Variants in DIPK1A observed in about 807,000 individuals in gnomAD.
DIPK1A encodes the protein family with sequence similarity 69 member A.
In DIPK1A, 27 loss-of-function variants were observed where a neutral mutation model predicts 40.8. The ratio of observed to expected loss-of-function variants is 0.66; its 90% CI spans 0.49 to 0.91. The LOEUF (loss-of-function observed/expected upper bound fraction) is 0.91, where lower values mean the gene tolerates loss of function less well. Ranked by LOEUF, DIPK1A falls within the 40% of genes least tolerant of loss-of-function variation. DIPK1A has a pLI of 0.00. For synonymous variants in DIPK1A, 166 were observed against 171.3 expected (o/e 0.97, Z 0.24); for missense variants, 412 against 505.7 (o/e 0.81, Z 1.78).
chr1:92,932,086 G>T, intron 1 of DIPK1A: 1 of 414,122 alleles, frequency 2.4e-6, no homozygotes, highest in South Asian at 2.1e-5. Flanking sequence ...TGACTACATA[G>T]ATTAAAATAT....
chr1:92,850,493 C>A (rs1687784216), intron 3 of DIPK1A, among the ~76,000 whole-genome samples: 1 of 152,060 alleles, frequency 6.6e-6, no homozygotes, highest in African/African-American at 2.4e-5. Context: ...CCAGCCTGGG[C>A]AACATGGCGG....
intron 1 of DIPK1A, 138 bp from the exon 2 acceptor site, chr1:92,876,568 T>C: frequency 2.3e-6 from 2 of 882,026 alleles, no homozygotes; most frequent in Non-Finnish European, 3.4e-6. Flanking sequence ...TAGAACAAAG[T>C]GCACTTTCAC....
At chr1:92,907,390 A>G (rs561261488) in intron 1 of DIPK1A, among the ~76,000 whole-genome samples, 6 of 152,298 alleles carry the variant, frequency 3.9e-5, no homozygotes, top group African/African-American at 1.4e-4. Flanking sequence ...AAGGGTCACA[A>G]GAGAAATTTC....
chr1:92,955,423 G>A (rs925510353), intron 1 of DIPK1A, among the ~76,000 whole-genome samples: 6 of 151,938 alleles, frequency 3.9e-5, no homozygotes, highest in Non-Finnish European at 8.8e-5. Context: ...AGGGGGCTGG[G>A]CACGGTGGCT....
intron 2 of DIPK1A, among the ~76,000 whole-genome samples, chr1:92,858,011 C>T (rs777071306): frequency 6.6e-6 from 1 of 152,190 alleles, no homozygotes; most frequent in Non-Finnish European, 1.5e-5. Flanking sequence ...GGACTTTCAT[C>T]CTTATTTCCT....
chr1:92,856,432 T>A (rs1016237548), intron 2 of DIPK1A, among the ~76,000 whole-genome samples: 43 of 152,026 alleles, frequency 2.8e-4, no homozygotes, highest in Non-Finnish European at 5.3e-4. Context: ...TATTATTATT[T>A]TTTGAGACGG....
rs377062825 is a variant in DIPK1A, at chr1:92,845,473, C to T, written c.475-1278G>A. On this transcript the variant is annotated intron_variant, in intron 4 of 4. Transcript: ENST00000370310. ...AGCTTGAGCTCAGGAGTTCTAGACCCGCCTGGGCAACATGGTGAAACCGTG... is the reference window on the plus strand; with the variant it reads ...AGCTTGAGCTCAGGAGTTCTAGACCTGCCTGGGCAACATGGTGAAACCGTG... The T allele has an allele frequency of 3.9e-3, 1,473 of 374,378 alleles. 21 individuals carry two copies. The highest frequency in any genetic ancestry group is 0.022 in the South Asian group (1,121 of 51,268). The allele number at this position is 374,378 out of a possible 1,614,324, so 23.2% of individuals were successfully genotyped here. A position where few individuals can be genotyped will look rare whatever the true frequency, so the allele number is the denominator to read the frequency against.
chr1:92,902,154 A>G (rs1036709640), intron 1 of DIPK1A, among the ~76,000 whole-genome samples: 1 of 152,144 alleles, frequency 6.6e-6, no homozygotes, highest in Non-Finnish European at 1.5e-5. Flanking sequence ...TGGGCAGCCA[A>G]GGCATTGTTT....
intron 1 of DIPK1A, among the ~76,000 whole-genome samples, chr1:92,904,732 T>C (rs1374831789): frequency 6.6e-6 from 1 of 152,116 alleles, no homozygotes; most frequent in East Asian, 1.9e-4. Context: ...ATTACTGTTG[T>C]GCTAACAAAT....
At chr1:92,846,846 T>TATATATATATATACACACAC (rs1557449955) in intron 4 of DIPK1A, among the ~76,000 whole-genome samples, 3 of 1,282 alleles carry the variant, frequency 2.3e-3, no homozygotes, top group African/African-American at 0.012. Flanking sequence ...TATATATGTG[T>TATATATATATATACACACAC]GTATATATAT....
intron 1 of DIPK1A, among the ~76,000 whole-genome samples, chr1:92,944,386 A>C (rs530666986): frequency 6.6e-6 from 1 of 152,350 alleles, no homozygotes; most frequent in South Asian, 2.1e-4. Context: ...TACAACTGAT[A>C]AAAGAACCCT....
In DIPK1A at chr1:92,941,809, A is replaced by G. The variant is rs549424864; in HGVS notation, c.54+19567T>C. ...TGATTCCCTTAACTATCCACACTCT[A>G]TACTCGAAAAGTGCACTCAAATGTA... On this transcript the variant is annotated intron_variant, in intron 1 of 4. Coordinates refer to ENST00000370310, the MANE Select transcript of DIPK1A (RefSeq NM_001006605.5). Among the ~76,000 whole-genome samples, 7 of 152,226 alleles carry G rather than the reference A, an allele frequency of 4.6e-5. No homozygotes were observed. The East Asian group carries it at 1.2e-3, about 25-fold the overall frequency.
downstream of DIPK1A, chr1:92,842,005 T>G (rs1003193439): frequency 2.9e-5 from 24 of 827,948 alleles, no homozygotes; most frequent in East Asian, 7.4e-4. Flanking sequence ...AGTTGACAGG[T>G]TTTTTTCTCC....
chr1:92,912,795 G>A (rs1362161810), intron 1 of DIPK1A, among the ~76,000 whole-genome samples: 1 of 152,086 alleles, frequency 6.6e-6, no homozygotes, highest in Non-Finnish European at 1.5e-5. Context: ...ACAACATCAT[G>A]TATCTATATA....
chr1:92,832,802 T>C, exon 5 of DIPK1A: 1 of 571,316 alleles, frequency 1.8e-6, no homozygotes, highest in Non-Finnish European at 3.1e-6. Flanking sequence ...AACAGTGCTG[T>C]TTTAGTGGGG....
chr1:92,958,874 T>C (rs746193530), intron 1 of DIPK1A, among the ~76,000 whole-genome samples: 8 of 152,260 alleles, frequency 5.3e-5, no homozygotes, highest in Admixed American at 1.3e-4. Flanking sequence ...TAAATTGTTA[T>C]TAACTTTGTT....
downstream of DIPK1A, among the ~76,000 whole-genome samples, chr1:92,838,248 A>G (rs1375794576): frequency 1.3e-5 from 2 of 152,242 alleles, no homozygotes; most frequent in African/African-American, 4.8e-5. Flanking sequence ...ACACAGTGTA[A>G]AGGCTGAATA....
At chr1:92,904,637 C>G (rs1649535381) in intron 1 of DIPK1A, among the ~76,000 whole-genome samples, 1 of 151,984 alleles carries the variant, frequency 6.6e-6, no homozygotes. Context: ...TCAACTCAAG[C>G]ATTTATTTTT....
chr1:92,861,444 A>G (rs1245153093), intron 2 of DIPK1A, among the ~76,000 whole-genome samples: 1 of 144,910 alleles, frequency 6.9e-6, no homozygotes, highest in Non-Finnish European at 1.5e-5. Flanking sequence ...CTTGTGCCTC[A>G]GCCTCCCGGG....
Sources: gnomAD v4.1 joint callset for allele counts (sites outside exome capture counted in the v4.1 genomes callset) on GRCh38, gnomAD v4.1.1 for gene constraint, MANE v1.5 for transcripts, NCBI Gene and HGNC (gene_info 2026-07-23, HGNC 2026-07-21) for gene names.